Variants in SCUBE1 observed in about 807,000 individuals in gnomAD.
SCUBE1 encodes signal peptide, CUB and EGF-like domain-containing protein 1.
In SCUBE1, 59 loss-of-function variants were observed where a neutral mutation model predicts 124.4. The observed-to-expected ratio is 0.47, with a 90% CI of 0.38 to 0.59. The LOEUF (loss-of-function observed/expected upper bound fraction) is 0.59, where lower values mean the gene tolerates loss of function less well. Ranked by LOEUF, SCUBE1 falls within the 20% of genes least tolerant of loss-of-function variation. The pLI is 0.00. For synonymous variants in SCUBE1, 545 were observed against 550.9 expected, an observed-to-expected ratio of 0.99 and a Z score of 0.15; for missense variants, 1,150 against 1,371.2, an observed-to-expected ratio of 0.84 and a Z score of 2.55.
At chr22:43,209,103 G>A (rs116101821) in intron 19 of SCUBE1, among the ~76,000 whole-genome samples, 2,229 of 152,286 alleles carry the variant, frequency 0.015, 57 homozygotes, top group African/African-American at 0.051. Flanking sequence ...GCTCAGCTGC[G>A]TCAGCCTTGC....
intron 6 of SCUBE1, among the ~76,000 whole-genome samples, chr22:43,252,317 C>T (rs1252193805): frequency 1.3e-5 from 2 of 152,226 alleles, no homozygotes; most frequent in East Asian, 3.9e-4. Context: ...TCTGTCCTGC[C>T]CAGCTGTGTG....
intron 5 of SCUBE1, among the ~76,000 whole-genome samples, chr22:43,259,474 T>C (rs1186550508): frequency 6.6e-6 from 1 of 152,252 alleles, no homozygotes; most frequent in African/African-American, 2.4e-5. Context: ...TCTATTCGGT[T>C]GACCCCTGAG....
In SCUBE1 at chr22:43,320,044, T is replaced by G; in HGVS notation, c.242A>C (p.Asp81Ala). The change falls in exon 3 of 22, where the codon GAC becomes GCC. Residue 81 changes from aspartate (D) to alanine (A), a missense_variant. By Grantham distance (126) the Asp-to-Ala change is moderately radical. This residue lies in a region of SCUBE1 where 337 missense variants were observed against 482.1 expected (regional missense o/e 0.70). Transcript: ENST00000360835. The stretch of plus-strand genomic sequence containing the variant: ...GTGGACACAGCCCCCATTGTAGTAG[T>G]CATTCTCACACTCGTCAATGTCTGC... ...QCEDIDECEN[D>A]YYNGGCVHEC... is the part of the protein sequence containing the mutation. The G allele has an allele frequency of 6.2e-7, 1 of 1,614,046 alleles. No individual in the cohort carries two copies. The highest frequency in any genetic ancestry group is 8.5e-7 in the Non-Finnish European group (1 of 1,179,952).
In SCUBE1 at chr22:43,218,407, G is replaced by A. The variant is rs1450839032; in HGVS notation, c.1739C>T (p.Ala580Val). 2 of 1,613,190 alleles carry A rather than the reference G, an allele frequency of 1.2e-6. No individual in the cohort carries two copies. Among genetic ancestry groups the A allele is most frequent in the African/African-American group, 2.7e-5 (2 of 74,952 alleles). ...GGACTTGCGCAGGGTCTTGATGGCG[G>A]CCTGCAGGCTCTGTTCTGCTCGCTT... ...LRKRAEQSLQ[A>V]AIKTLRKSIG... The change falls in exon 15 of 22, where the codon GCC becomes GTC. Residue 580 changes from alanine to valine, a missense_variant. Transcript: ENST00000360835.
intron 10 of SCUBE1, among the ~76,000 whole-genome samples, chr22:43,226,856 G>A (rs1290227821): frequency 6.6e-6 from 1 of 152,092 alleles, no homozygotes; most frequent in Non-Finnish European, 1.5e-5. Context: ...ACCCAGTGCT[G>A]CGAGCATGCC....
In SCUBE1 at chr22:43,214,110, C is replaced by A. The variant is rs750565888; in HGVS notation, c.2033G>T (p.Arg678Leu). ...SSDGLGLPGA[R>L]NVSECGGQCS... ...CTTGCCTCCACATTCCGACACGTTG[C>A]GGGCACCAGGCAGACCAAGCCCGTC... The change falls in exon 16 of 22, where the codon CGC becomes CTC. Residue 678 changes from arginine (R) to leucine (L), a missense_variant. By Grantham distance (102) the Arg-to-Leu change is moderately radical (BLOSUM62 -2). Around this residue, in one of 3 missense-constraint regions of SCUBE1, gnomAD observed 757 missense variants for 840.9 expected, o/e 0.90. Transcript: ENST00000360835. 5.9e-6 allele frequency: 8 copies of A among 1,363,284 alleles called. No homozygotes were observed. In the South Asian group the frequency reaches 6.9e-5, roughly 12 times the overall value. 84.4% of individuals were successfully genotyped at this position (1,363,284 alleles called of 1,614,324 possible).
Position 43,204,079 on chromosome 22 carries a change from T to C in SCUBE1, c.2885A>G (p.Gln962Arg), listed in dbSNP as rs371339897. The change falls in exon 22 of 22, where the codon CAG becomes CGG. Residue 962 changes from glutamine to arginine, a missense_variant. Gln to Arg is a conservative substitution (Grantham distance 43, BLOSUM62 1). Around this residue, in one of 3 missense-constraint regions of SCUBE1, gnomAD observed 757 missense variants for 840.9 expected, o/e 0.90. Transcript: ENST00000360835. ...HPQNYFKYTA[Q>R]ESKEMFPRSF... ...CCGTGGGAACATCTCCTTGGATTCC[T>C]GGGCTGTGTACTTGAAGTAGTTCTG... is the stretch of plus-strand genomic sequence containing the variant. The C allele has an allele frequency of 1.2e-6, 2 of 1,614,102 alleles. No individual in the cohort carries two copies. Among genetic ancestry groups the C allele is most frequent in the Non-Finnish European group, 1.7e-6 (2 of 1,179,998 alleles).
chr22:43,258,041 A>AGCCTCCCCAGAG lies in SCUBE1; in HGVS notation c.727+177_727+178insCTCTGGGGAGGC, dbSNP rs1371310998. Among the ~76,000 whole-genome samples, 321 of 152,142 alleles carry AGCCTCCCCAGAG rather than the reference A, an allele frequency of 2.1e-3. No homozygotes were observed. Among genetic ancestry groups the AGCCTCCCCAGAG allele is most frequent in the African/African-American group, 7.4e-3 (307 of 41,442 alleles). On this transcript the variant is annotated intron_variant, in intron 6 of 21. Coordinates refer to ENST00000360835, the MANE Select transcript of SCUBE1 (RefSeq NM_173050.5). This position sits in a 1 kb window ranked among gnomAD's most constrained non-coding sequence, Gnocchi z 5.0. ...CAGGCCCCAGAGAAGCCTCCCCAGA[A>AGCCTCCCCAGAG]AGCCTCCCCAGGGGCGCCGGCCATC...
At chr22:43,316,850 G>A (rs1056195509) in intron 3 of SCUBE1, 3 of 152,110 alleles carry the variant, frequency 2.0e-5, no homozygotes, top group African/African-American at 7.2e-5. Context: ...GTATTTATTC[G>A]GGGTGTAATT....
In SCUBE1 at chr22:43,267,476, G is replaced by A. The variant is rs577537454; in HGVS notation, c.485-4631C>T. On this transcript the variant is annotated intron_variant, in intron 4 of 21. Coordinates refer to ENST00000360835, the MANE Select transcript of SCUBE1 (RefSeq NM_173050.5). ...TAGCTGCGTGTGCTAGAAACACAGC[G>A]CTTCGGATGCCTGATGTGGGAAATT... Among the ~76,000 whole-genome samples, 16 of 152,326 alleles carry A rather than the reference G, an allele frequency of 1.1e-4. No individual in the cohort carries two copies. In the South Asian group the frequency reaches 2.3e-3, roughly 22 times the overall value.
chr22:43,314,639 A>G (rs538908139), intron 3 of SCUBE1, among the ~76,000 whole-genome samples: 1 of 152,300 alleles, frequency 6.6e-6, no homozygotes, highest in South Asian at 2.1e-4. Context: ...AGGCCTGAGT[A>G]AGACTTAGGC....
At chr22:43,243,591 G>A (rs1013214478) in intron 6 of SCUBE1, among the ~76,000 whole-genome samples, 2 of 152,218 alleles carry the variant, frequency 1.3e-5, no homozygotes, top group African/African-American at 4.8e-5. Context: ...GCCTGCTTAC[G>A]CCGCCCCAGG....
chr22:43,208,301 G>GA, intron 19 of SCUBE1, 77 bp from the exon 20 acceptor site: 1 of 1,409,972 alleles, frequency 7.1e-7, no homozygotes, highest in Non-Finnish European at 1.0e-6. Flanking sequence ...CTCCCATCCA[G>GA]TCCACCACCC....
rs113051178 is a variant in SCUBE1, at chr22:43,210,492, G to A, written c.2384-252C>T. ...CAGCCTGGGGGCTTCTTCTTACTGG[G>A]CTGCCATGCCTGCAGGCCCACCCTA... On this transcript the variant is annotated intron_variant, in intron 18 of 21. Coordinates refer to ENST00000360835, the MANE Select transcript of SCUBE1 (RefSeq NM_173050.5). This position sits in a 1 kb window ranked among gnomAD's most constrained non-coding sequence, Gnocchi z 4.5. Among the ~76,000 whole-genome samples, 3 of 152,174 alleles carry A rather than the reference G, an allele frequency of 2.0e-5. No homozygotes were observed. Among genetic ancestry groups the A allele is most frequent in the African/African-American group, 7.2e-5 (3 of 41,438 alleles).
chr22:43,340,650 G>A (rs1170967334), intron 1 of SCUBE1, among the ~76,000 whole-genome samples: 2 of 152,142 alleles, frequency 1.3e-5, no homozygotes, highest in South Asian at 2.1e-4. Flanking sequence ...GCCCAGTGAG[G>A]TGAAATCTGT....
rs1283225375 is a variant in SCUBE1 at position 43,258,435 on chromosome 22, A to G, written c.611-100T>C. 12 of 854,760 alleles carry G rather than the reference A, an allele frequency of 1.4e-5. No homozygotes were observed. Among genetic ancestry groups the G allele is most frequent in the African/African-American group, 3.3e-5 (2 of 60,402 alleles). 52.9% of individuals were successfully genotyped at this position (854,760 alleles called of 1,614,324 possible). A position where few individuals can be genotyped will look rare whatever the true frequency, so the allele number is the denominator to read the frequency against. On this transcript the variant is annotated intron_variant, in intron 5 of 21. Transcript: ENST00000360835. The surrounding 1 kb of genome is among the most constrained non-coding windows in gnomAD (Gnocchi z 5.0). ...CTGCCTTCAGGGTATGGGGAAACTG[A>G]GGCCTAAGGGCATCAGTGGGTAGGG... is the stretch of plus-strand genomic sequence containing the variant.
chr22:43,272,345 T>C (rs139040), intron 4 of SCUBE1: 143,632 of 152,222 alleles, frequency 0.94, 67,908 homozygotes, highest in East Asian at 1. Context: ...CTGGGCCCTC[T>C]TTCAGGGTTC....
At chr22:43,295,409 G>A (rs1308211345) in intron 3 of SCUBE1, among the ~76,000 whole-genome samples, 2 of 152,230 alleles carry the variant, frequency 1.3e-5, no homozygotes, top group African/African-American at 4.8e-5. Context: ...CCTAGCAGCG[G>A]GTCAGGCCAA....
Position 43,198,565 on chromosome 22 carries a change from C to A in SCUBE1, c.*5432G>T, listed in dbSNP as rs756080100. 1 of 456,766 alleles carries A rather than the reference C, an allele frequency of 2.2e-6. No homozygotes were observed. The highest frequency in any genetic ancestry group is 2.3e-5 in the Admixed American group (1 of 42,594). The allele number at this position is 456,766 out of a possible 1,614,324, so 28.3% of individuals were successfully genotyped here. ...TCTCTGCTCTCTCTCCACATCCTCA[C>A]TCCACCCCTCATTACATCCTCTGCC... On this transcript the variant is annotated 3_prime_UTR_variant, in exon 22 of 22. Coordinates refer to ENST00000360835, the MANE Select transcript of SCUBE1 (RefSeq NM_173050.5).
Sources: allele counts gnomAD v4.1 joint callset (sites outside exome capture counted in the v4.1 genomes callset), GRCh38; gene constraint gnomAD v4.1.1; regional missense constraint gnomAD v4.1.1; non-coding constraint Gnocchi (gnomAD v3.1); transcripts MANE v1.5; gene names NCBI Gene and HGNC (gene_info 2026-07-23, HGNC 2026-07-21).